MAML2: variants seen among roughly 807,000 people sequenced by gnomAD.
The protein encoded by MAML2 is mastermind like transcriptional coactivator 2, also known as mastermind-like protein 2.
A neutral mutation model predicts 96.1 loss-of-function variants in MAML2; 22 were observed. The observed-to-expected ratio is 0.23, with a 90% CI of 0.16 to 0.33. The LOEUF (loss-of-function observed/expected upper bound fraction) is 0.33, where lower values mean the gene tolerates loss of function less well. MAML2 is among the 10% of genes least tolerant of loss of function. The pLI is 1.00. For synonymous variants in MAML2, 561 were observed against 521.3 expected, an observed-to-expected ratio of 1.08 and a Z score of -1.04; for missense variants, 1,367 against 1,392.4, an observed-to-expected ratio of 0.98 and a Z score of 0.29.
chr11:96,264,207 A>G (rs1862793073), intron 1 of MAML2, among the ~76,000 whole-genome samples: 1 of 152,184 alleles, frequency 6.6e-6, no homozygotes, highest in Non-Finnish European at 1.5e-5. Flanking sequence ...TAACTTTTGT[A>G]AAGCCCCCTC....
intron 1 of MAML2, among the ~76,000 whole-genome samples, chr11:96,298,074 C>T (rs897593941): frequency 6.6e-6 from 1 of 152,142 alleles, no homozygotes; most frequent in Non-Finnish European, 1.5e-5. Context: ...TTCATTCCCC[C>T]CAATTTCCCA....
intron 2 of MAML2, among the ~76,000 whole-genome samples, chr11:96,034,408 AGTGTGTGTGT>A (rs5793773): frequency 2.4e-5 from 3 of 126,650 alleles, no homozygotes; most frequent in Non-Finnish European, 4.8e-5. Flanking sequence ...AATACTTTGA[AGTGTGTGTGT>A]GTGTGTGTGT....
intron 1 of MAML2, among the ~76,000 whole-genome samples, chr11:96,254,807 G>A (rs1415401407): frequency 6.6e-6 from 1 of 152,008 alleles, no homozygotes; most frequent in Non-Finnish European, 1.5e-5. Flanking sequence ...GATAAATTGA[G>A]GGCTCCTTTT....
chr11:96,302,797 C>A (rs1863406954), intron 1 of MAML2, among the ~76,000 whole-genome samples: 1 of 152,122 alleles, frequency 6.6e-6, no homozygotes. Flanking sequence ...CGACACATAC[C>A]ATCTTAGCAC....
intron 1 of MAML2, among the ~76,000 whole-genome samples, chr11:96,121,474 T>C (rs1195162194): frequency 6.6e-6 from 1 of 152,152 alleles, no homozygotes; most frequent in Non-Finnish European, 1.5e-5. Flanking sequence ...TTAACAGACA[T>C]GTACTTTGGT....
At chr11:96,166,136 G>GTC (rs1210525857) in intron 1 of MAML2, among the ~76,000 whole-genome samples, 15 of 83,776 alleles carry the variant, frequency 1.8e-4, no homozygotes, top group Non-Finnish European at 3.8e-4. Flanking sequence ...CTCTTTCTCT[G>GTC]TCTCTCTCTC....
chr11:96,149,404 G>A (rs1415752123), intron 1 of MAML2, among the ~76,000 whole-genome samples: 1 of 107,480 alleles, frequency 9.3e-6, no homozygotes, highest in African/African-American at 3.8e-5. Context: ...GTGACAGAGT[G>A]AGACTCCGTC....
chr11:96,044,275 A>G lies in MAML2; in HGVS notation c.2139+47617T>C, dbSNP rs574266431. Among the ~76,000 whole-genome samples, 6 of 152,302 alleles carry G rather than the reference A, an allele frequency of 3.9e-5. No individual in the cohort carries two copies. The East Asian group carries it at 1.2e-3, about 29-fold the overall frequency. On this transcript the variant is annotated intron_variant, in intron 2 of 4. Coordinates refer to ENST00000524717, the MANE Select transcript of MAML2 (RefSeq NM_032427.4). ...CTAGGTGCCAGCAGCAGTTTTTCACATGGTTGCATGGATGCCTTAAGTATT... is the reference window on the plus strand; with the variant it reads ...CTAGGTGCCAGCAGCAGTTTTTCACGTGGTTGCATGGATGCCTTAAGTATT...
intron 1 of MAML2, among the ~76,000 whole-genome samples, chr11:96,152,594 A>G (rs1860941462): frequency 6.6e-6 from 1 of 152,204 alleles, no homozygotes; most frequent in Admixed American, 6.5e-5. Flanking sequence ...TCAGTGTATC[A>G]TGTGAAATTT....
intron 2 of MAML2, among the ~76,000 whole-genome samples, chr11:96,030,854 G>A (rs1037145985): frequency 1.3e-5 from 2 of 152,206 alleles, no homozygotes; most frequent in Non-Finnish European, 2.9e-5. Context: ...GATCCCAAGG[G>A]AAAATGGTGC....
intron 1 of MAML2, among the ~76,000 whole-genome samples, chr11:96,159,339 T>C (rs977473538): frequency 1.3e-5 from 2 of 151,244 alleles, no homozygotes; most frequent in Non-Finnish European, 3.0e-5. Context: ...GCGGATTTGT[T>C]GTCAGTCCCT....
chr11:96,231,663 A>G (rs1204581783), intron 1 of MAML2, among the ~76,000 whole-genome samples: 4 of 152,236 alleles, frequency 2.6e-5, no homozygotes, highest in Admixed American at 6.5e-5. Context: ...TGAGTTGGAA[A>G]GAGAGTTGGT....
At chr11:96,237,496 C>G (rs1274818726) in intron 1 of MAML2, among the ~76,000 whole-genome samples, 7 of 152,226 alleles carry the variant, frequency 4.6e-5, no homozygotes, top group African/African-American at 1.4e-4. Flanking sequence ...AGTTGATTTT[C>G]TAACTCCAAT....
At chr11:96,147,556 C>A (rs921216562) in intron 1 of MAML2, among the ~76,000 whole-genome samples, 2 of 152,206 alleles carry the variant, frequency 1.3e-5, no homozygotes, top group Non-Finnish European at 2.9e-5. Flanking sequence ...TTGGATTCGA[C>A]TCTTCCATGA....
chr11:96,034,452 AGAGAGT>A (rs1392705825), intron 2 of MAML2, among the ~76,000 whole-genome samples: 1 of 139,828 alleles, frequency 7.2e-6, no homozygotes, highest in Non-Finnish European at 1.5e-5. Context: ...AGAGAGAGAG[AGAGAGT>A]GTGTGTGTGT....
chr11:96,169,311 C>T (rs942504301), intron 1 of MAML2, among the ~76,000 whole-genome samples: 1 of 152,230 alleles, frequency 6.6e-6, no homozygotes, highest in Non-Finnish European at 1.5e-5. Context: ...TCAGCTGTAA[C>T]AGGAATGAAA....
At position 96,080,496 on chromosome 11, in the gene MAML2, T is replaced by A. The variant is rs544218336; in HGVS notation, c.2139+11396A>T. 1.6e-4 allele frequency among the ~76,000 whole-genome samples: 24 copies of A among 152,336 alleles called. No individual in the cohort carries two copies. The South Asian group carries it at 4.8e-3, about 30-fold the overall frequency. On this transcript the variant is annotated intron_variant, in intron 2 of 4. Transcript: ENST00000524717. ...TAATTGCATTTTGGAATCATAAAAT[T>A]CAAAATAATAGAATAAAATTGTAAC... is the stretch of plus-strand genomic sequence containing the variant.
At chr11:96,189,992 C>T in intron 1 of MAML2, among the ~76,000 whole-genome samples, 1 of 152,044 alleles carries the variant, frequency 6.6e-6, no homozygotes, top group East Asian at 1.9e-4. Context: ...TAAAAAAAAT[C>T]TTAATTCCTA....
chr11:96,157,887 T>C (rs937637635), intron 1 of MAML2, among the ~76,000 whole-genome samples: 4 of 152,214 alleles, frequency 2.6e-5, no homozygotes, highest in African/African-American at 9.6e-5. Flanking sequence ...CCTGATAATT[T>C]AAGATTACAT....
Sources: gnomAD v4.1 joint callset for allele counts (sites outside exome capture counted in the v4.1 genomes callset) on GRCh38, gnomAD v4.1.1 for gene constraint, MANE v1.5 for transcripts, NCBI Gene and HGNC (gene_info 2026-07-23, HGNC 2026-07-21) for gene names.